Variants in USP4 observed in about 807,000 individuals in gnomAD.
USP4 encodes ubiquitin carboxyl-terminal hydrolase 4.
USP4 carries 72 observed loss-of-function variants against 118.2 expected under a neutral mutation model. The ratio of observed to expected loss-of-function variants is 0.61; its 90% confidence interval spans 0.50 to 0.74. The LOEUF (loss-of-function observed/expected upper bound fraction) is 0.74, where lower values mean the gene tolerates loss of function less well. Ranked by LOEUF, USP4 falls within the 30% of genes least tolerant of loss-of-function variation. The pLI is 0.00. For synonymous variants in USP4, 415 were observed against 440.4 expected (o/e 0.94, Z 0.72); for missense variants, 1,037 against 1,185.7 (o/e 0.87, Z 1.84).
At chr3:49,332,220 T>G (rs2047625111) in intron 2 of USP4, among the ~76,000 whole-genome samples, 1 of 152,038 alleles carries the variant, frequency 6.6e-6, no homozygotes, top group Non-Finnish European at 1.5e-5. Flanking sequence ...GAGGTTGCAG[T>G]GAGCCAAGAT....
chr3:49,294,576 CG>C lies in USP4; in HGVS notation c.1713del (p.Val572TrpfsTer43). 2 of 1,613,980 alleles carry C rather than the reference CG, an allele frequency of 1.2e-6. No homozygotes were observed. The highest frequency in any genetic ancestry group is 1.7e-6 in the Non-Finnish European group (2 of 1,179,946). On this transcript the variant is annotated frameshift_variant, in exon 14 of 22. Transcript: ENST00000265560. LOFTEE classifies it high-confidence loss of function. ...DIFVYEVCSTSVDGSECVTLP... is the reference protein window; with the variant it reads ...DIFVYEVCSTXVDGSECVTLP... ...AGCGTGACACATTCCGAGCCATCCA[CG>C]GAAGTGCTGCAGACCTCGTACCTGC...
chr3:49,294,323 C>T, intron 14 of USP4, 84 bp downstream of exon 14: 5 of 1,433,238 alleles, frequency 3.5e-6, no homozygotes, highest in South Asian at 2.6e-5. Flanking sequence ...AGGATCAACA[C>T]AGCCACTTGG....
At chr3:49,286,918 C>T (rs1266662385) in intron 15 of USP4, among the ~76,000 whole-genome samples, 1 of 152,088 alleles carries the variant, frequency 6.6e-6, no homozygotes, top group Non-Finnish European at 1.5e-5. Flanking sequence ...GGCACGATCT[C>T]GGCTCACTGC....
rs201409051 is a variant in USP4, at chr3:49,335,610, G to C, written c.102-14C>G. 1.4e-5 allele frequency: 22 copies of C among 1,612,834 alleles called. No homozygotes were observed. Among genetic ancestry groups the C allele is most frequent in the Admixed American group, 8.4e-5 (5 of 59,638 alleles). On this transcript the variant is annotated splice_polypyrimidine_tract_variant and intron_variant, in intron 1 of 21. Coordinates refer to ENST00000265560, the MANE Select transcript of USP4 (RefSeq NM_003363.4). ...TCAATAAGATACCTAGAGAGAGACA[G>C]AAATTTACTGTAGCAGAAAAGCTGA... is the stretch of plus-strand genomic sequence containing the variant.
intron 6 of USP4, chr3:49,312,360 G>A: frequency 2.5e-6 from 1 of 398,652 alleles, no homozygotes; most frequent in Non-Finnish European, 5.1e-6. Context: ...ATGGTGGCGG[G>A]CGCCTGTCAT....
In USP4 at chr3:49,340,052, C is replaced by T. The variant is rs761540946; in HGVS notation, c.-28G>A. The T allele has an allele frequency of 1.9e-6, 3 of 1,591,926 alleles. No homozygotes were observed. Among genetic ancestry groups the T allele is most frequent in the South Asian group, 2.2e-5 (2 of 90,752 alleles). On this transcript the variant is annotated 5_prime_UTR_variant, in exon 1 of 22. Transcript: ENST00000265560. ...CCTCCGCGGCCCCGGCCCAGCCGGC[C>T]CGGACATCCGCCCCGCGCGCGGCGT... is the stretch of plus-strand genomic sequence containing the variant.
At chr3:49,287,093 C>G (rs2047102431) in intron 15 of USP4, among the ~76,000 whole-genome samples, 1 of 152,120 alleles carries the variant, frequency 6.6e-6, no homozygotes, top group African/African-American at 2.4e-5. Flanking sequence ...CTCAGATGAT[C>G]CACCGGCCTT....
intron 8 of USP4, among the ~76,000 whole-genome samples, chr3:49,309,447 A>G (rs1015947826): frequency 2.0e-5 from 3 of 152,072 alleles, no homozygotes; most frequent in African/African-American, 4.8e-5. Context: ...ATTTTGAGAC[A>G]GGGTCTCGCT....
intron 15 of USP4, among the ~76,000 whole-genome samples, chr3:49,290,081 C>T (rs574853816): frequency 6.6e-6 from 1 of 152,240 alleles, no homozygotes; most frequent in South Asian, 2.1e-4. Flanking sequence ...ATGATTGCGC[C>T]ACTGTATTCC....
chr3:49,281,080 G>C (rs1167212333), intron 19 of USP4, among the ~76,000 whole-genome samples: 4 of 152,150 alleles, frequency 2.6e-5, no homozygotes, highest in Non-Finnish European at 2.9e-5. Context: ...CAGCACTTTG[G>C]GGGGCCAAGG....
At chr3:49,307,866 G>C (rs1202195696) in intron 8 of USP4, among the ~76,000 whole-genome samples, 2 of 152,100 alleles carry the variant, frequency 1.3e-5, no homozygotes, top group Admixed American at 6.6e-5. Flanking sequence ...AGCAAGGCCT[G>C]GTGGTACACA....
At chr3:49,297,520 A>G (rs1474086868) in intron 13 of USP4, among the ~76,000 whole-genome samples, 2 of 152,172 alleles carry the variant, frequency 1.3e-5, no homozygotes, top group Non-Finnish European at 2.9e-5. Flanking sequence ...CCACACCCCT[A>G]CTACCATCTT....
intron 3 of USP4, among the ~76,000 whole-genome samples, 163 bp from the exon 4 acceptor site, chr3:49,326,008 G>A (rs2047550651): frequency 6.6e-6 from 1 of 152,122 alleles, no homozygotes; most frequent in South Asian, 2.1e-4. Context: ...CCAGTACCTG[G>A]ACAAAGAGTT....
chr3:49,283,770 CT>C (rs2047064226), intron 19 of USP4, among the ~76,000 whole-genome samples: 1 of 152,196 alleles, frequency 6.6e-6, no homozygotes, highest in Admixed American at 6.5e-5. Context: ...TGGCAGCAGC[CT>C]GTGTCTGGGC....
rs370158124 is a variant in USP4 at position 49,325,052 on chromosome 3, A to G, written c.488-13T>C. On this transcript the variant is annotated splice_polypyrimidine_tract_variant and intron_variant, in intron 4 of 21. Transcript: ENST00000265560. ...TTCTCGATGGTTGCTAGGAACAGGC[A>G]GAAATATCACTTGGGGCTTTGTCCA... The G allele has an allele frequency of 1.8e-5, 29 of 1,610,676 alleles. No homozygotes were observed. The highest frequency in any genetic ancestry group is 1.6e-5 in the Non-Finnish European group (19 of 1,178,976).
chr3:49,302,896 C>G (rs2047275760), intron 9 of USP4, among the ~76,000 whole-genome samples: 1 of 152,142 alleles, frequency 6.6e-6, no homozygotes, highest in South Asian at 2.1e-4. Flanking sequence ...ACATTACAAA[C>G]AATACTTTCA....
chr3:49,278,227 G>C lies in USP4; in HGVS notation c.*66C>G. 1.3e-6 allele frequency: 2 copies of C among 1,558,070 alleles called. No homozygotes were observed. Among genetic ancestry groups the C allele is most frequent in the Non-Finnish European group, 1.7e-6 (2 of 1,151,142 alleles). Reference sequence around the variant, plus strand: ...AGACAGAACACTAGCAGTCTGCAGAGTGTCAAAGATGTTCTCCTGGGGGAT... The same window carrying C: ...AGACAGAACACTAGCAGTCTGCAGACTGTCAAAGATGTTCTCCTGGGGGAT... On this transcript the variant is annotated 3_prime_UTR_variant, in exon 22 of 22. Transcript: ENST00000265560.
intron 6 of USP4, chr3:49,316,791 A>G: frequency 4.0e-6 from 2 of 494,126 alleles, no homozygotes; most frequent in South Asian, 4.8e-5. Flanking sequence ...TGGTGCTCAG[A>G]CTACAACCAG....
Position 49,318,419 on chromosome 3 carries a change from T to TA in USP4, c.695+6282dup, listed in dbSNP as rs895032276. ...TCTTCTGGCTCTGGGCTGGCAACCT[T>TA]AAAGGGCCTTATAGACCTCAGGCAA... is the stretch of plus-strand genomic sequence containing the variant. On this transcript the variant is annotated intron_variant, in intron 6 of 21. Coordinates refer to ENST00000265560, the MANE Select transcript of USP4 (RefSeq NM_003363.4). The TA allele has an allele frequency of 3.0e-6, 3 of 985,354 alleles. No individual in the cohort carries two copies. The African/African-American group carries it at 5.2e-5, about 17-fold the overall frequency. The allele number at this position is 985,354 out of a possible 1,614,324, so 61.0% of individuals were successfully genotyped here. A position where few individuals can be genotyped will look rare whatever the true frequency, so the allele number is the denominator to read the frequency against.
Sources: gnomAD v4.1 joint callset for allele counts (sites outside exome capture counted in the v4.1 genomes callset) on GRCh38, gnomAD v4.1.1 for gene constraint, MANE v1.5 for transcripts, NCBI Gene and HGNC (gene_info 2026-07-23, HGNC 2026-07-21) for gene names.